Variants in FAM91A1 observed in about 807,000 individuals in gnomAD.
The protein encoded by FAM91A1 is family with sequence similarity 91 member A1, also known as protein FAM91A1.
In FAM91A1, 41 loss-of-function variants were observed where a neutral mutation model predicts 113.5. The observed-to-expected ratio is 0.36, with a 90% CI of 0.28 to 0.47. The LOEUF (loss-of-function observed/expected upper bound fraction) is 0.47, where lower values mean the gene tolerates loss of function less well. Among genes scored for constraint, FAM91A1 ranks in the 20% least tolerant of loss-of-function variants. FAM91A1 has a pLI of 1.00. For synonymous variants in FAM91A1, 307 were observed against 347.9 expected, an observed-to-expected ratio of 0.88 and a Z score of 1.31; for missense variants, 696 against 1,001.2, an observed-to-expected ratio of 0.70 and a Z score of 4.11.
rs373893861 is a variant in FAM91A1 at position 123,779,909 on chromosome 8, CATAA to C, written c.550-69_550-66del. On this transcript the variant is annotated intron_variant, in intron 6 of 23. Transcript: ENST00000334705. ...AATGACATGTAATCACTGGTTTCAA[CATAA>C]ATAAATTTCAGGAGACTTGTGAATT... 2.8e-4 allele frequency: 339 copies of C among 1,220,908 alleles called. 2 individuals are homozygous for C. In the African/African-American group the frequency reaches 4.4e-3, roughly 16 times the overall value. The allele number at this position is 1,220,908 out of a possible 1,614,324, so 75.6% of individuals were successfully genotyped here.
At chr8:123,808,413 A>G in intron 21 of FAM91A1, 37 bp downstream of exon 21, 1 of 1,546,486 alleles carries the variant, frequency 6.5e-7, no homozygotes, top group Non-Finnish European at 8.9e-7. Context: ...TTATTAGACT[A>G]ATTTCTGAGG....
intron 22 of FAM91A1, 124 bp downstream of exon 22, chr8:123,809,140 G>T: frequency 6.8e-6 from 9 of 1,322,468 alleles, no homozygotes; most frequent in Non-Finnish European, 8.9e-6. Flanking sequence ...TTTGTTGATT[G>T]AATAGAGATC....
At chr8:123,779,843 T>G (rs541349726) in intron 6 of FAM91A1, 142 bp from the exon 7 acceptor site, 2 of 625,274 alleles carry the variant, frequency 3.2e-6, no homozygotes, top group Non-Finnish European at 5.2e-6. Flanking sequence ...CACAGTTTTT[T>G]GTTTGAATTA....
Position 123,785,109 on chromosome 8 carries a change from C to A in FAM91A1, c.839C>A (p.Ser280Tyr). 6.3e-7 allele frequency: 1 copy of A among 1,587,524 alleles called. No individual in the cohort carries two copies. Residue 280 changes from serine to tyrosine, a missense_variant, in exon 10 of 24, where the codon TCC becomes TAC. Physicochemically the swap from Ser to Tyr is moderately radical, Grantham distance 144 (BLOSUM62 -2). Coordinates refer to ENST00000334705, the MANE Select transcript of FAM91A1 (RefSeq NM_144963.4). ...ELANVLEIDL[S>Y]LVKNAVSMYC... is the part of the protein sequence containing the mutation. ...GCAAATGTCCTTGAGATTGACTTAT[C>A]CCTGGTTAAGGTATGTTATTTTTAT...
intron 12 of FAM91A1, 79 bp downstream of exon 12, chr8:123,786,689 T>A (rs1366932260): frequency 2.7e-6 from 3 of 1,099,222 alleles, no homozygotes; most frequent in Admixed American, 1.9e-5. Context: ...ACAGTTACCT[T>A]CTAATTTTAG....
chr8:123,806,087 T>G lies in FAM91A1; in HGVS notation c.1890T>G (p.Thr630=). ...FDETELQGEF[T]RVNMGVHKAL... ...TGTCCGTTCTGTTTGTAGAGTTCACTCGTGTCAATATGGGTGTTCATAAAG... is the reference window on the plus strand; with the variant it reads ...TGTCCGTTCTGTTTGTAGAGTTCACGCGTGTCAATATGGGTGTTCATAAAG... The change falls in exon 20 of 24, where the codon ACT becomes ACG. Residue 630 remains threonine (T), a synonymous_variant. Transcript: ENST00000334705. 6.3e-7 allele frequency: 1 copy of G among 1,592,996 alleles called. No individual in the cohort carries two copies. The highest frequency in any genetic ancestry group is 1.1e-5 in the South Asian group (1 of 88,650).
chr8:123,804,160 A>G (rs889412545), intron 18 of FAM91A1, among the ~76,000 whole-genome samples: 2 of 152,182 alleles, frequency 1.3e-5, no homozygotes, highest in African/African-American at 2.4e-5. Context: ...AACTAATAGT[A>G]CATTCACATG....
rs761439374 is a variant in FAM91A1, at chr8:123,777,359, G to A, written c.367+37G>A. The stretch of plus-strand genomic sequence containing the variant: ...ATTGTGCTGAAGAAGGTAATGTTTA[G>A]GTTGTGTCTTTGTGCATCCTGTCAT... On this transcript the variant is annotated intron_variant, in intron 4 of 23. Transcript: ENST00000334705. The A allele has an allele frequency of 2.0e-5, 32 of 1,575,950 alleles. 1 individual carries two copies. The Middle Eastern group carries it at 3.9e-3, about 190-fold the overall frequency.
intron 15 of FAM91A1, among the ~76,000 whole-genome samples, chr8:123,797,361 A>G (rs2130125254): frequency 6.6e-6 from 1 of 152,254 alleles, no homozygotes; most frequent in South Asian, 2.1e-4. Context: ...AGAAAGTTAG[A>G]TGGAACTTAC....
chr8:123,809,300 T>G (rs934660870), intron 22 of FAM91A1, among the ~76,000 whole-genome samples: 1 of 152,196 alleles, frequency 6.6e-6, no homozygotes, highest in Non-Finnish European at 1.5e-5. Flanking sequence ...CATGCTGATA[T>G]GGAGTATGAA....
At chr8:123,794,387 C>T (rs1358125292) in intron 15 of FAM91A1, among the ~76,000 whole-genome samples, 2 of 152,104 alleles carry the variant, frequency 1.3e-5, no homozygotes, top group African/African-American at 4.8e-5. Flanking sequence ...ATAAAACATT[C>T]AAACATATCA....
At chr8:123,785,047 G>T (rs765397044) in intron 9 of FAM91A1, 34 bp from the exon 10 acceptor site, 1 of 1,517,992 alleles carries the variant, frequency 6.6e-7, no homozygotes, top group Non-Finnish European at 9.0e-7. Context: ...TTAATTCTAA[G>T]AATGTAAAAA....
chr8:123,792,478 T>C (rs145266359), intron 15 of FAM91A1, among the ~76,000 whole-genome samples: 1 of 152,252 alleles, frequency 6.6e-6, no homozygotes, highest in Admixed American at 6.5e-5. Context: ...TTCCCCCAGG[T>C]ATCTTTGTCT....
In FAM91A1 at chr8:123,780,026, C is replaced by G; in HGVS notation, c.591C>G (p.Ile197Met). The G allele has an allele frequency of 6.2e-7, 1 of 1,613,396 alleles. No homozygotes were observed. The highest frequency in any genetic ancestry group is 8.5e-7 in the Non-Finnish European group (1 of 1,179,596). Residue 197 changes from isoleucine (I) to methionine (M), a missense_variant, in exon 7 of 24, where the codon ATC (isoleucine) becomes ATG (methionine). Physicochemically the swap from Ile to Met is conservative, Grantham distance 10. Transcript: ENST00000334705. Reference sequence around the variant, plus strand: ...AGAAATGCGCTGTTGATAAGATCATCGATTCAGGCCCTCAACTCTCTGGAT... The same window carrying G: ...AGAAATGCGCTGTTGATAAGATCATGGATTCAGGCCCTCAACTCTCTGGAT... ...LPEKCAVDKI[I>M]DSGPQLSGSL...
intron 22 of FAM91A1, 59 bp from the exon 23 acceptor site, chr8:123,810,223 G>A: frequency 6.6e-7 from 1 of 1,520,294 alleles, no homozygotes; most frequent in Non-Finnish European, 8.9e-7. Context: ...ACTCTTATGA[G>A]AAACTCATTC....
intron 15 of FAM91A1, 53 bp downstream of exon 15, chr8:123,789,798 A>G (rs1815341096): frequency 6.3e-7 from 1 of 1,582,966 alleles, no homozygotes; most frequent in Non-Finnish European, 8.6e-7. Flanking sequence ...ACTTTTTTCT[A>G]AGAAATTAAA....
Position 123,775,260 on chromosome 8 carries a change from A to T in FAM91A1, c.271A>T (p.Arg91Trp). The change falls in exon 3 of 24, where the codon AGG becomes TGG. Residue 91 changes from arginine (R) to tryptophan (W), a missense_variant. By Grantham distance (101) the Arg-to-Trp change is moderately radical (BLOSUM62 -3). Coordinates refer to ENST00000334705, the MANE Select transcript of FAM91A1 (RefSeq NM_144963.4). ...ATCGGATATTATGGTGAAAGGCTTG[A>T]GGATAACACCATTTTCATATTATAC... ...HLSDIMVKGL[R>W]ITPFSYYTGI... 5 of 1,614,048 alleles carry T rather than the reference A, an allele frequency of 3.1e-6. No homozygotes were observed. The highest frequency in any genetic ancestry group is 4.2e-6 in the Non-Finnish European group (5 of 1,179,970).
chr8:123,775,119 A>G (rs1472289819), intron 2 of FAM91A1, 28 bp from the exon 3 acceptor site: 1 of 1,546,400 alleles, frequency 6.5e-7, no homozygotes, highest in Non-Finnish European at 8.7e-7. Flanking sequence ...ACCTGAAAAA[A>G]ACTGGAGAAT....
chr8:123,778,282 A>G (rs1815036611), intron 5 of FAM91A1, among the ~76,000 whole-genome samples, 190 bp downstream of exon 5: 1 of 152,236 alleles, frequency 6.6e-6, no homozygotes, highest in Non-Finnish European at 1.5e-5. Context: ...TTTTTAATGC[A>G]TAAAACATTT....
Sources: allele counts gnomAD v4.1 joint callset (sites outside exome capture counted in the v4.1 genomes callset), GRCh38; gene constraint gnomAD v4.1.1; transcripts MANE v1.5; gene names NCBI Gene and HGNC (gene_info 2026-07-23, HGNC 2026-07-21).